Variants in SLA observed in about 807,000 individuals in gnomAD.
The protein encoded by SLA is Src like adaptor.
SLA carries 16 observed loss-of-function variants against 30.3 expected under a neutral mutation model. The observed-to-expected ratio is 0.53, with a 90% CI of 0.36 to 0.80. The LOEUF is 0.80. Ranked by LOEUF, SLA falls within the 30% of genes least tolerant of loss-of-function variation. SLA has a pLI of 0.01. For synonymous variants in SLA, 143 were observed against 137.8 expected (o/e 1.04, Z -0.26); for missense variants, 310 against 345.2 (o/e 0.90, Z 0.81).
chr8:133,049,647 G>T, intron 5 of SLA: 1 of 480,608 alleles, frequency 2.1e-6, no homozygotes, highest in East Asian at 3.9e-5. Flanking sequence ...ACCACTCTGT[G>T]CCAGGAGCAC....
intron 7 of SLA, among the ~76,000 whole-genome samples, chr8:133,041,613 G>A (rs985684520): frequency 6.6e-6 from 1 of 152,174 alleles, no homozygotes; most frequent in Admixed American, 6.5e-5. Flanking sequence ...GTGCAGCACA[G>A]GCAGGGGACA....
chr8:133,072,762 T>G (rs1844259641), intron 2 of SLA: 1 of 152,190 alleles, frequency 6.6e-6, no homozygotes, highest in South Asian at 2.1e-4. Context: ...AATGGGGAAG[T>G]TTTCTTCTGA....
Position 133,066,256 on chromosome 8 carries a change from G to C in SLA, c.-40-6056C>G, listed in dbSNP as rs111892373. Among the ~76,000 whole-genome samples, 1,209 of 146,454 alleles carry C rather than the reference G, an allele frequency of 8.3e-3. 5 individuals are homozygous for C. The highest frequency in any genetic ancestry group is 0.015 in the Non-Finnish European group (1,004 of 67,450). On this transcript the variant is annotated intron_variant, in intron 2 of 8. Transcript: ENST00000338087. ...CAAGAGAACGGCGTGAACCCAGAAG[G>C]CAGAGCTTGCAGTGAGCTGAGATCT...
At chr8:133,096,616 G>T (rs943572437) in intron 1 of SLA, among the ~76,000 whole-genome samples, 1 of 152,178 alleles carries the variant, frequency 6.6e-6, no homozygotes, top group African/African-American at 2.4e-5. Flanking sequence ...AACTGGAGCT[G>T]ACCCAGAAGC....
chr8:133,067,905 AGGAAGGAAG>A (rs1843312623), intron 2 of SLA, among the ~76,000 whole-genome samples: 1 of 55,382 alleles, frequency 1.8e-5, no homozygotes, highest in Non-Finnish European at 5.3e-5. Flanking sequence ...GAAGGAAGGA[AGGAAGGAAG>A]GAAAGAGAGA....
chr8:133,045,067 A>G lies in SLA; in HGVS notation c.401T>C (p.Ile134Thr). 3 of 1,614,182 alleles carry G rather than the reference A, an allele frequency of 1.9e-6. No homozygotes were observed. The highest frequency in any genetic ancestry group is 2.5e-6 in the Non-Finnish European group (3 of 1,180,012). The change falls in exon 7 of 9, where the codon ATT (isoleucine) becomes ACT (threonine). Residue 134 changes from isoleucine (I) to threonine (T), a missense_variant. Transcript: ENST00000338087. ...GTACCAGTTGTTGGGCAGACGGAAAATGCGGTAATGCTTTACCTGCCTGTG... is the reference window on the plus strand; with the variant it reads ...GTACCAGTTGTTGGGCAGACGGAAAGTGCGGTAATGCTTTACCTGCCTGTG... ...VRHRQVKHYR[I>T]FRLPNNWYYI...
At chr8:133,048,083 G>A (rs1165379035) in intron 5 of SLA, 150 bp from the exon 6 acceptor site, 1 of 586,466 alleles carries the variant, frequency 1.7e-6, no homozygotes, top group African/African-American at 1.9e-5. Context: ...CCACAGATGA[G>A]AATACTGAGG....
At chr8:133,053,295 T>C (rs1228878209) in intron 3 of SLA, among the ~76,000 whole-genome samples, 1 of 152,180 alleles carries the variant, frequency 6.6e-6, no homozygotes, top group Non-Finnish European at 1.5e-5. Context: ...TGCCCATCTG[T>C]CCCCACCCCC....
chr8:133,090,336 CT>C (rs1189483828), intron 1 of SLA, among the ~76,000 whole-genome samples: 1 of 152,228 alleles, frequency 6.6e-6, no homozygotes, highest in African/African-American at 2.4e-5. Flanking sequence ...GGTTCAGGTT[CT>C]GTGCAGCAGA....
intron 5 of SLA, chr8:133,049,536 C>T (rs890869683): frequency 3.0e-5 from 9 of 295,908 alleles, no homozygotes; most frequent in Non-Finnish European, 6.0e-5. Context: ...TGTTCACTGG[C>T]ACACAGCCAG....
intron 3 of SLA, among the ~76,000 whole-genome samples, chr8:133,058,490 G>A (rs556201701): frequency 2.0e-5 from 3 of 152,328 alleles, no homozygotes; most frequent in African/African-American, 4.8e-5. Context: ...CATGAGGTTC[G>A]CTCAAGCATG....
chr8:133,092,549 T>A (rs1175041034), intron 1 of SLA, among the ~76,000 whole-genome samples: 1 of 152,156 alleles, frequency 6.6e-6, no homozygotes, highest in Non-Finnish European at 1.5e-5. Context: ...CAGCTCCCAC[T>A]GTGCAGAGGA....
At chr8:133,050,376 G>A (rs1481558307) in intron 4 of SLA, 1 of 279,898 alleles carries the variant, frequency 3.6e-6, no homozygotes, top group Non-Finnish European at 6.9e-6. Context: ...AAGGGGCTTA[G>A]AACTTCTGTC....
chr8:133,040,574 G>T (rs1178803909), intron 7 of SLA, among the ~76,000 whole-genome samples: 1 of 152,170 alleles, frequency 6.6e-6, no homozygotes, highest in Non-Finnish European at 1.5e-5. Flanking sequence ...TGAGAATGGG[G>T]CTGCATACAG....
At position 133,100,200 on chromosome 8, in the gene SLA, A is replaced by G. The variant is rs183767995; in HGVS notation, c.-319+2353T>C. 2.0e-4 allele frequency among the ~76,000 whole-genome samples: 30 copies of G among 152,258 alleles called. No individual in the cohort carries two copies. The East Asian group carries it at 2.7e-3, about 14-fold the overall frequency. ...GGTACTTGCTGTTTTTTCTTCTGGAATGTTCTTCCCAGACAACTCACTGCC... is the reference window on the plus strand; with the variant it reads ...GGTACTTGCTGTTTTTTCTTCTGGAGTGTTCTTCCCAGACAACTCACTGCC... On this transcript the variant is annotated intron_variant, in intron 1 of 8. Coordinates refer to ENST00000338087, the MANE Select transcript of SLA (RefSeq NM_001045556.3).
intron 1 of SLA, chr8:133,096,098 T>A (rs577293027): frequency 7.2e-7 from 1 of 1,388,334 alleles, no homozygotes; most frequent in East Asian, 2.3e-5. Context: ...CTCAGTAGAG[T>A]CATAGATGGA....
intron 1 of SLA, among the ~76,000 whole-genome samples, chr8:133,077,735 ATGTGTGTGTGTG>A (rs34749093): frequency 2.0e-5 from 3 of 148,062 alleles, no homozygotes; most frequent in African/African-American, 7.5e-5. Context: ...TCTGGTGTGT[ATGTGTGTGTGTG>A]TGTGTGTGTG....
chr8:133,040,051 G>T lies in SLA; in HGVS notation c.564C>A (p.Ser188=). The T allele has an allele frequency of 6.4e-7, 1 of 1,553,536 alleles. No homozygotes were observed. The highest frequency in any genetic ancestry group is 1.2e-5 in the South Asian group (1 of 84,140). The part of the protein sequence containing the change: ...QSTAAPAVRA[S]SSPVTLRQKT... The stretch of plus-strand genomic sequence containing the variant: ...TCTGACGCAAGGTGACAGGTGAGCT[G>T]GAGGCCCTCACTGCTGGGGCAGCCG... The change falls in exon 8 of 9, where the codon TCC becomes TCA. Residue 188 remains serine (S), a synonymous_variant. Coordinates refer to ENST00000338087, the MANE Select transcript of SLA (RefSeq NM_001045556.3).
chr8:133,044,993 G>A lies in SLA; in HGVS notation c.475C>T (p.His159Tyr). Residue 159 changes from histidine to tyrosine, a missense_variant, in exon 7 of 9, where the codon CAC becomes TAC. His to Tyr is a moderately conservative substitution (Grantham distance 83). Coordinates refer to ENST00000338087, the MANE Select transcript of SLA (RefSeq NM_001045556.3). Reference protein sequence around the residue: ...TFQCLEDLVNHYSEVADGLCC... With the variant: ...TFQCLEDLVNYYSEVADGLCC... ...ATTGTATGTCTCTTACCAGAATAGT[G>A]GTTCACCAGGTCCTCCAGGCACTGG... 3 of 1,614,146 alleles carry A rather than the reference G, an allele frequency of 1.9e-6. No individual in the cohort carries two copies. Among genetic ancestry groups the A allele is most frequent in the Non-Finnish European group, 2.5e-6 (3 of 1,179,982 alleles).
Sources: allele counts gnomAD v4.1 joint callset (sites outside exome capture counted in the v4.1 genomes callset), GRCh38; gene constraint gnomAD v4.1.1; transcripts MANE v1.5; gene names NCBI Gene and HGNC (gene_info 2026-07-23, HGNC 2026-07-21).